Variants in MAP3K14 observed in about 807,000 individuals in gnomAD.
MAP3K14 encodes NF-kappa-beta-inducing kinase.
MAP3K14 carries 16 observed loss-of-function variants against 99.2 expected under a neutral mutation model. The ratio of observed to expected loss-of-function variants is 0.16; its 90% CI spans 0.11 to 0.24. The LOEUF (loss-of-function observed/expected upper bound fraction) is 0.24, where lower values mean the gene tolerates loss of function less well. Among genes scored for constraint, MAP3K14 ranks in the 10% least tolerant of loss-of-function variants. MAP3K14 has a pLI of 1.00. For synonymous variants in MAP3K14, 462 were observed against 492.4 expected, an observed-to-expected ratio of 0.94 and a Z score of 0.82; for missense variants, 784 against 1,208.7, an observed-to-expected ratio of 0.65 and a Z score of 5.21.
chr17:45,291,027 T>C, intron 1 of MAP3K14: 1 of 388,336 alleles, frequency 2.6e-6, no homozygotes, highest in African/African-American at 2.0e-5. Context: ...CCAGCAAGGA[T>C]GCCAGCCCAC....
Position 45,267,282 on chromosome 17 carries a change from G to A in MAP3K14, c.2327-84C>T. ...AGGGGTTCTTCCTGCACAGTCGGTA[G>A]AAGCTGAGCTGCTGGGGAAGGGGCT... On this transcript the variant is annotated intron_variant, in intron 12 of 15. Coordinates refer to ENST00000344686, the MANE Select transcript of MAP3K14 (RefSeq NM_003954.5). The surrounding 1 kb of genome is among the most constrained non-coding windows in gnomAD (Gnocchi z 5.1). 1 of 1,382,956 alleles carries A rather than the reference G, an allele frequency of 7.2e-7. No individual in the cohort carries two copies. Among genetic ancestry groups the A allele is most frequent in the African/African-American group, 1.4e-5 (1 of 69,784 alleles). 85.7% of individuals were successfully genotyped at this position (1,382,956 alleles called of 1,614,324 possible).
chr17:45,287,959 G>A (rs1271357730), intron 3 of MAP3K14, among the ~76,000 whole-genome samples: 3 of 152,186 alleles, frequency 2.0e-5, no homozygotes, highest in Non-Finnish European at 2.9e-5. Context: ...CTTCTCTGCT[G>A]GCCTCGGGGC....
chr17:45,293,934 A>G (rs1460002444), intron 1 of MAP3K14, among the ~76,000 whole-genome samples: 1 of 152,196 alleles, frequency 6.6e-6, no homozygotes. Flanking sequence ...GTTCTGTACT[A>G]AGTCCAGGAC....
At chr17:45,275,072 G>C (rs2044168919) in intron 6 of MAP3K14, among the ~76,000 whole-genome samples, 1 of 151,882 alleles carries the variant, frequency 6.6e-6, no homozygotes, top group Non-Finnish European at 1.5e-5. Context: ...CCAGGAGGCG[G>C]AGCTTGCAGT....
chr17:45,284,839 C>T lies in MAP3K14; in HGVS notation c.1263G>A (p.Gln421=). ...FGEVHRMEDK[Q]TGFQCAVKKV... is the part of the protein sequence containing the mutation. Reference sequence around the variant, plus strand: ...TTTTGACAGCGCACTGGAAGCCAGTCTGCTTGTCCTCCATCCTGTGCACCT... The same window carrying T: ...TTTTGACAGCGCACTGGAAGCCAGTTTGCTTGTCCTCCATCCTGTGCACCT... Residue 421 remains glutamine (Q), a synonymous_variant, in exon 6 of 16, where the codon CAG becomes CAA. Transcript: ENST00000344686. 1 of 1,594,724 alleles carries T rather than the reference C, an allele frequency of 6.3e-7. No homozygotes were observed. Among genetic ancestry groups the T allele is most frequent in the Non-Finnish European group, 8.5e-7 (1 of 1,170,976 alleles).
intron 6 of MAP3K14, among the ~76,000 whole-genome samples, chr17:45,275,902 C>A (rs58007130): frequency 6.6e-6 from 1 of 151,636 alleles, no homozygotes; most frequent in Non-Finnish European, 1.5e-5. Context: ...GCTGGGACTA[C>A]AAGTGTGCGC....
intron 1 of MAP3K14, among the ~76,000 whole-genome samples, chr17:45,296,035 C>T (rs558451410): frequency 6.6e-6 from 1 of 152,278 alleles, no homozygotes; most frequent in South Asian, 2.1e-4. Context: ...AAGGCAAATC[C>T]CTCTCATGAC....
chr17:45,305,347 C>T (rs1274917827), intron 1 of MAP3K14, among the ~76,000 whole-genome samples: 3 of 150,544 alleles, frequency 2.0e-5, no homozygotes, highest in African/African-American at 7.3e-5. Flanking sequence ...CCACCTGCCT[C>T]GGCCTCCCAA....
At chr17:45,313,325 A>G (rs2044498867) in intron 1 of MAP3K14, among the ~76,000 whole-genome samples, 1 of 152,154 alleles carries the variant, frequency 6.6e-6, no homozygotes, top group Non-Finnish European at 1.5e-5. Context: ...CACCACCAAC[A>G]AGAACAACAA....
rs774367905 is a variant in MAP3K14 at position 45,286,251 on chromosome 17, C to T, written c.1152+180G>A. On this transcript the variant is annotated intron_variant, in intron 5 of 15. Transcript: ENST00000344686. This position sits in a 1 kb window ranked among gnomAD's most constrained non-coding sequence, Gnocchi z 4.1. ...AACCAGAAGAACTCAGAACAGAAGA[C>T]GCTAAAAAGGCTGTGAGAAGTGAGA... 3.4e-4 allele frequency among the ~76,000 whole-genome samples: 51 copies of T among 152,002 alleles called. No individual in the cohort carries two copies. Among genetic ancestry groups the T allele is most frequent in the Non-Finnish European group, 5.6e-4 (38 of 68,018 alleles).
chr17:45,307,369 G>A (rs1036259026), intron 1 of MAP3K14, among the ~76,000 whole-genome samples: 3 of 152,026 alleles, frequency 2.0e-5, no homozygotes, highest in Non-Finnish European at 4.4e-5. Flanking sequence ...TTAAGTGGGG[G>A]CTGCCCTGTA....
At chr17:45,273,474 G>C (rs1294364198) in intron 9 of MAP3K14, 29 bp downstream of exon 9, 1 of 1,546,060 alleles carries the variant, frequency 6.5e-7, no homozygotes, top group Non-Finnish European at 8.9e-7. Context: ...AATGCATTGG[G>C]GGGCACGGCA....
chr17:45,270,430 T>A lies in MAP3K14; in HGVS notation c.1955A>T (p.Asn652Ile). The change falls in exon 11 of 16, where the codon AAC becomes ATC. Residue 652 changes from asparagine (N) to isoleucine (I), a missense_variant. Asn to Ile is a moderately radical substitution (Grantham distance 149). Transcript: ENST00000344686. ...VSAAELGGKV[N>I]RALQQVGGLK... ...CTTCCTACCTTGCTGTAGTGCCCGG[T>A]TCACCTTCCCTCCCAGCTCCGCTGC... The A allele has an allele frequency of 6.2e-7, 1 of 1,611,700 alleles. No homozygotes were observed. The highest frequency in any genetic ancestry group is 2.2e-5 in the East Asian group (1 of 44,778).
chr17:45,290,217 G>C (rs541276252), intron 2 of MAP3K14, among the ~76,000 whole-genome samples: 143 of 152,340 alleles, frequency 9.4e-4, no homozygotes, highest in African/African-American at 3.2e-3. Flanking sequence ...TGGCCTGCTT[G>C]ATGATTCTGC....
intron 6 of MAP3K14, among the ~76,000 whole-genome samples, chr17:45,282,554 CAAAAAAAA>C (rs11452454): frequency 8.1e-6 from 1 of 123,684 alleles, no homozygotes; most frequent in Non-Finnish European, 1.7e-5. Flanking sequence ...GATCCTGTCT[CAAAAAAAA>C]AAAAAAAAGA....
intron 4 of MAP3K14, 27 bp from the exon 5 acceptor site, chr17:45,287,072 A>G (rs1193378206): frequency 6.2e-7 from 1 of 1,606,610 alleles, no homozygotes; most frequent in Admixed American, 1.7e-5. Context: ...AGCTATCAGC[A>G]CAGAGGGCCA....
chr17:45,288,393 T>TG lies in MAP3K14; in HGVS notation c.326+842_326+843insC, dbSNP rs2044284953. 1.3e-5 allele frequency among the ~76,000 whole-genome samples: 2 copies of TG among 151,356 alleles called. 1 individual carries two copies. Among genetic ancestry groups the TG allele is most frequent in the Admixed American group, 1.3e-4 (2 of 15,210 alleles). Reference sequence around the variant, plus strand: ...CTTGAACTCTTGTTTTTTTTTTTTTTTTTGAGACAGAATCTTACTCTGTCA... The same window carrying TG: ...CTTGAACTCTTGTTTTTTTTTTTTTTGTTTGAGACAGAATCTTACTCTGTCA... On this transcript the variant is annotated intron_variant, in intron 3 of 15. Transcript: ENST00000344686.
chr17:45,273,619 C>A lies in MAP3K14; in HGVS notation c.1553-12G>T. 1 of 1,602,976 alleles carries A rather than the reference C, an allele frequency of 6.2e-7. No individual in the cohort carries two copies. Among genetic ancestry groups the A allele is most frequent in the South Asian group, 1.1e-5 (1 of 89,510 alleles). Reference sequence around the variant, plus strand: ...GAGCACGTTGTCAGCTGCCAGGCCGCCCCGGGGAGGAAGAGGAACAGGTGA... The same window carrying A: ...GAGCACGTTGTCAGCTGCCAGGCCGACCCGGGGAGGAAGAGGAACAGGTGA... On this transcript the variant is annotated splice_polypyrimidine_tract_variant and intron_variant, in intron 8 of 15. Coordinates refer to ENST00000344686, the MANE Select transcript of MAP3K14 (RefSeq NM_003954.5).
At chr17:45,297,380 T>A (rs932178902) in intron 1 of MAP3K14, among the ~76,000 whole-genome samples, 8 of 152,158 alleles carry the variant, frequency 5.3e-5, no homozygotes, top group Admixed American at 5.2e-4. Flanking sequence ...TGATGAGGGG[T>A]CTTGTCAAGT....
Sources: gnomAD v4.1 joint callset for allele counts (sites outside exome capture counted in the v4.1 genomes callset) on GRCh38, gnomAD v4.1.1 for gene constraint, Gnocchi (gnomAD v3.1) non-coding constraint, MANE v1.5 for transcripts, NCBI Gene and HGNC (gene_info 2026-07-23, HGNC 2026-07-21) for gene names.